The following KCNJ18 variants were observed in gnomAD, a reference collection of about 807,000 sequenced individuals.
KCNJ18 encodes the protein inward rectifier potassium channel 18.
Under a neutral mutation model 17.3 loss-of-function variants are expected in KCNJ18, and 16 were observed. The ratio of observed to expected loss-of-function variants is 0.92; its 90% CI spans 0.62 to 1.40. KCNJ18 has a LOEUF of 1.40. KCNJ18 is among the 40% of genes most tolerant of loss of function. The probability of loss-of-function intolerance (pLI) is 0.00; values close to 1 mark genes in which losing one functional copy is unlikely to be tolerated. For missense variants in KCNJ18, 462 were observed against 626.8 expected, an observed-to-expected ratio of 0.74 and a Z score of 2.81; for synonymous variants, 185 against 262.6, an observed-to-expected ratio of 0.70 and a Z score of 2.86.
At chr17:21,697,859 G>A (rs1368076349) in intron 2 of KCNJ18, among the ~76,000 whole-genome samples, 50 of 148,334 alleles carry the variant, frequency 3.4e-4, no homozygotes, top group Admixed American at 1.5e-3. Context: ...GAGCTGCTCT[G>A]GATGCAGTGG....
intron 1 of KCNJ18, among the ~76,000 whole-genome samples, chr17:21,695,752 G>A (rs1403405617): frequency 1.3e-5 from 2 of 152,308 alleles, no homozygotes; most frequent in African/African-American, 2.4e-5. Context: ...ATTGTCAGCG[G>A]TCATTTTTCT....
chr17:21,700,177 C>T (rs1294916827), intron 2 of KCNJ18, among the ~76,000 whole-genome samples: 2 of 151,618 alleles, frequency 1.3e-5, no homozygotes, highest in East Asian at 2.0e-4. Flanking sequence ...AGCTCCTCAG[C>T]GTCATGGTGA....
At position 21,704,120 on chromosome 17, in the gene KCNJ18, C is replaced by A; in HGVS notation, c.*32C>A. On this transcript the variant is annotated 3_prime_UTR_variant, in exon 3 of 3. Transcript: ENST00000567955. ...CTTGGCCGACATGCAGCATCCACCC[C>A]TGGCCGGGGAGAGGCCCCGCGGTCG... 6.6e-7 allele frequency: 1 copy of A among 1,503,900 alleles called. No individual in the cohort carries two copies. 93.2% of individuals were successfully genotyped at this position (1,503,900 alleles called of 1,614,324 possible). A position where few individuals can be genotyped will look rare whatever the true frequency, so the allele number is the denominator to read the frequency against.
rs1466647603 is a variant in KCNJ18 at position 21,703,852 on chromosome 17, C to T, written c.1066C>T (p.Arg356Cys). ...HKTYEVPSTP[R>C]CSAKDLVENK... ...GACCTATGAGGTGCCCTCTACGCCCCGCTGCAGTGCGAAGGATCTGGTAGA... is the reference window on the plus strand; with the variant it reads ...GACCTATGAGGTGCCCTCTACGCCCTGCTGCAGTGCGAAGGATCTGGTAGA... Residue 356 changes from arginine (R) to cysteine (C), a missense_variant, in exon 3 of 3, where the codon CGC (arginine) becomes TGC (cysteine). Physicochemically the swap from Arg to Cys is radical, Grantham distance 180 (BLOSUM62 -3). Around this residue, in one of 5 missense-constraint regions of KCNJ18, gnomAD observed 123 missense variants for 117.5 expected, o/e 1.05. Transcript: ENST00000567955. 3.2e-4 allele frequency: 512 copies of T among 1,612,318 alleles called. 1 individual carries two copies. In the African/African-American group the frequency reaches 5.2e-3, roughly 17 times the overall value.
At chr17:21,697,808 T>TCCCA (rs1905810969) in intron 2 of KCNJ18, among the ~76,000 whole-genome samples, 1 of 152,312 alleles carries the variant, frequency 6.6e-6, no homozygotes, top group Non-Finnish European at 1.5e-5. Flanking sequence ...CAGGCCCCAG[T>TCCCA]GCTGCATCTG....
In KCNJ18 at chr17:21,703,601, A is replaced by G. The variant is rs1241472969; in HGVS notation, c.815A>G (p.His272Arg). Reference sequence around the variant, plus strand: ...CTGGTGTCGCCCATCACCATCTTGCATGAAATTGACGAGGCCAGCCCGCTC... The same window carrying G: ...CTGGTGTCGCCCATCACCATCTTGCGTGAAATTGACGAGGCCAGCCCGCTC... ...IFLVSPITIL[H>R]EIDEASPLFG... Residue 272 changes from histidine (H) to arginine (R), a missense_variant, in exon 3 of 3, where the codon CAT becomes CGT. Physicochemically the swap from His to Arg is conservative, Grantham distance 29 (BLOSUM62 0). Transcript: ENST00000567955. 32 of 1,613,124 alleles carry G rather than the reference A, an allele frequency of 2.0e-5. No homozygotes were observed. In the Admixed American group the frequency reaches 2.7e-4, roughly 13 times the overall value.
At chr17:21,695,178 A>T (rs1443426002) in intron 1 of KCNJ18, among the ~76,000 whole-genome samples, 8 of 148,590 alleles carry the variant, frequency 5.4e-5, no homozygotes, top group Non-Finnish European at 8.9e-5. Context: ...CATCTATCCA[A>T]CCATCCATCC....
chr17:21,694,161 T>C (rs1303284164), intron 1 of KCNJ18, among the ~76,000 whole-genome samples: 1 of 152,100 alleles, frequency 6.6e-6, no homozygotes, highest in Non-Finnish European at 1.5e-5. Context: ...CACCAACAGT[T>C]GCCTTAATTC....
rs1315971605 is a variant in KCNJ18 at position 21,700,479 on chromosome 17, G to C, written c.-56-2252G>C. Among the ~76,000 whole-genome samples the C allele has an allele frequency of 3.0e-4, 29 of 96,800 alleles. No homozygotes were observed. The South Asian group carries it at 7.7e-3, about 26-fold the overall frequency. The allele number at this position is 96,800 out of a possible 152,430, so 63.5% of individuals were successfully genotyped here. A position where few individuals can be genotyped will look rare whatever the true frequency, so the allele number is the denominator to read the frequency against. On this transcript the variant is annotated intron_variant, in intron 2 of 2. Transcript: ENST00000567955. ...GTGTCTCTCTCAGGCGGCAGTTGCT[G>C]TGTGCTGCTCGGACCAGCGGGCTCG...
At chr17:21,702,075 A>C (rs1191099677) in intron 2 of KCNJ18, among the ~76,000 whole-genome samples, 2 of 152,224 alleles carry the variant, frequency 1.3e-5, no homozygotes, top group East Asian at 3.8e-4. Flanking sequence ...TGGATATAGC[A>C]GGGATGGGAC....
intron 2 of KCNJ18, among the ~76,000 whole-genome samples, chr17:21,696,969 C>T (rs1178695372): frequency 4.6e-5 from 7 of 152,324 alleles, no homozygotes; most frequent in East Asian, 1.9e-4. Context: ...AAGGGCATGT[C>T]GTTGATACAG....
In KCNJ18 at chr17:21,702,750, T is replaced by C. The variant is rs1463066703; in HGVS notation, c.-37T>C. ...TTCCAGGAGCCGCCCTGCCTGGAGC[T>C]AGCCTGGGGGTGAGCCAGGGTCCCC... On this transcript the variant is annotated 5_prime_UTR_variant, in exon 3 of 3. Coordinates refer to ENST00000567955, the MANE Select transcript of KCNJ18 (RefSeq NM_001194958.2). 6.2e-5 allele frequency: 96 copies of C among 1,548,988 alleles called. 1 individual carries two copies. The highest frequency in any genetic ancestry group is 7.5e-5 in the Non-Finnish European group (87 of 1,154,384).
At chr17:21,695,940 C>T (rs1905747623) in intron 1 of KCNJ18, 43 bp from the exon 2 acceptor site, 2 of 152,454 alleles carry the variant, frequency 1.3e-5, no homozygotes, top group South Asian at 4.1e-4. Flanking sequence ...CTGAGAAGAG[C>T]AGCACCGCCT....
At chr17:21,696,923 A>T (rs1219530658) in intron 2 of KCNJ18, among the ~76,000 whole-genome samples, 1 of 152,226 alleles carries the variant, frequency 6.6e-6, no homozygotes, top group African/African-American at 2.4e-5. Flanking sequence ...ATCCCAGGAA[A>T]TAAGGAAATG....
intron 1 of KCNJ18, among the ~76,000 whole-genome samples, chr17:21,693,397 A>C (rs1372016522): frequency 6.6e-6 from 1 of 152,306 alleles, no homozygotes; most frequent in East Asian, 1.9e-4. Context: ...GTGAGGGACG[A>C]GGTTGGGAGA....
Position 21,703,954 on chromosome 17 carries a change from G to A in KCNJ18, c.1168G>A (p.Asp390Asn), listed in dbSNP as rs1906071882. 2 of 1,608,626 alleles carry A rather than the reference G, an allele frequency of 1.2e-6. No individual in the cohort carries two copies. The highest frequency in any genetic ancestry group is 2.7e-5 in the African/African-American group (2 of 75,010). The change falls in exon 3 of 3, where the codon GAT (aspartate) becomes AAT (asparagine). Residue 390 changes from aspartate to asparagine, a missense_variant. By Grantham distance (23) the Asp-to-Asn change is conservative. Transcript: ENST00000567955. ...ELAFLSRDEE[D>N]EADGDQDGRS... is the part of the protein sequence containing the mutation. The stretch of plus-strand genomic sequence containing the variant: ...GGCCTTCCTGAGCCGTGACGAGGAG[G>A]ATGAGGCGGACGGAGACCAGGACGG...
chr17:21,699,780 G>C (rs1905880285), intron 2 of KCNJ18, among the ~76,000 whole-genome samples: 1 of 152,306 alleles, frequency 6.6e-6, no homozygotes, highest in African/African-American at 2.4e-5. Context: ...GAGATGCCAG[G>C]AGCTGTGGCA....
rs1271441402 is a variant in KCNJ18, at chr17:21,703,616, C to A, written c.830C>A (p.Ala277Asp). ...ACCATCTTGCATGAAATTGACGAGG[C>A]CAGCCCGCTCTTCGGCATCAGCCGG... Reference protein sequence around the residue: ...PITILHEIDEASPLFGISRQD... With the variant: ...PITILHEIDEDSPLFGISRQD... Residue 277 changes from alanine (A) to aspartate (D), a missense_variant, in exon 3 of 3, where the codon GCC becomes GAC. By Grantham distance (126) the Ala-to-Asp change is moderately radical. Around this residue, in one of 5 missense-constraint regions of KCNJ18, gnomAD observed 55 missense variants for 69.1 expected, o/e 0.80. Coordinates refer to ENST00000567955, the MANE Select transcript of KCNJ18 (RefSeq NM_001194958.2). 3 of 1,611,920 alleles carry A rather than the reference C, an allele frequency of 1.9e-6. No homozygotes were observed. The highest frequency in any genetic ancestry group is 1.7e-4 in the Middle Eastern group (1 of 6,056).
chr17:21,698,083 T>C (rs1156247125), intron 2 of KCNJ18, among the ~76,000 whole-genome samples: 1 of 149,424 alleles, frequency 6.7e-6, no homozygotes, highest in Non-Finnish European at 1.5e-5. Flanking sequence ...ACCTGTTCTT[T>C]TGAGTGCCGA....
Sources: gnomAD v4.1 joint callset for allele counts (sites outside exome capture counted in the v4.1 genomes callset) on GRCh38, gnomAD v4.1.1 for gene constraint, gnomAD v4.1.1 regional missense constraint, MANE v1.5 for transcripts, NCBI Gene and HGNC (gene_info 2026-07-23, HGNC 2026-07-21) for gene names.